The following ANKRD27 variants were observed in gnomAD, a reference collection of about 807,000 sequenced individuals.
The protein encoded by ANKRD27 is ankyrin repeat domain-containing protein 27.
In ANKRD27, 112 loss-of-function variants were observed where a neutral mutation model predicts 129.7. That is an observed-to-expected ratio of 0.86 (90% CI 0.74 to 1.01). The LOEUF is 1.01. Among genes scored for constraint, ANKRD27 ranks in the 50% least tolerant of loss-of-function variants. ANKRD27 has a pLI of 0.00. For missense variants in ANKRD27, 1,258 were observed against 1,300.5 expected, an observed-to-expected ratio of 0.97 and a Z score of 0.50; for synonymous variants, 516 against 511.2, an observed-to-expected ratio of 1.01 and a Z score of -0.13.
chr19:32,633,725 T>G (rs979469238), intron 12 of ANKRD27, among the ~76,000 whole-genome samples: 9 of 152,046 alleles, frequency 5.9e-5, no homozygotes, highest in African/African-American at 2.2e-4. Context: ...TTTATGAACA[T>G]GCTTAAAGAA....
At chr19:32,639,540 T>C (rs1165719089) in intron 11 of ANKRD27, 52 bp from the exon 12 acceptor site, 3 of 1,577,892 alleles carry the variant, frequency 1.9e-6, no homozygotes, top group South Asian at 1.1e-5. Flanking sequence ...GTCACACTTC[T>C]GCAAAAAAAA....
intron 1 of ANKRD27, among the ~76,000 whole-genome samples, chr19:32,665,464 TTG>T (rs1967734798): frequency 1.3e-5 from 2 of 150,546 alleles, no homozygotes; most frequent in African/African-American, 2.5e-5. Context: ...TAATTTTTGT[TTG>T]TTTGTTTGTT....
At chr19:32,656,350 G>A (rs1967536602) in intron 2 of ANKRD27, among the ~76,000 whole-genome samples, 1 of 152,218 alleles carries the variant, frequency 6.6e-6, no homozygotes, top group South Asian at 2.1e-4. Flanking sequence ...TATTCCCGCA[G>A]TACGGCCAGG....
chr19:32,665,230 T>C (rs1967727930), intron 1 of ANKRD27, among the ~76,000 whole-genome samples: 1 of 151,968 alleles, frequency 6.6e-6, no homozygotes, highest in South Asian at 2.1e-4. Flanking sequence ...CAGAATCACC[T>C]TGTCAATTAC....
intron 10 of ANKRD27, among the ~76,000 whole-genome samples, chr19:32,641,293 G>A (rs1368018817): frequency 6.6e-6 from 1 of 151,890 alleles, no homozygotes; most frequent in Non-Finnish European, 1.5e-5. Flanking sequence ...CCAGGGAGGT[G>A]GCTTCAGTGA....
chr19:32,632,689 C>A (rs2145289481), intron 12 of ANKRD27, among the ~76,000 whole-genome samples: 1 of 151,956 alleles, frequency 6.6e-6, no homozygotes. Context: ...CACCTGCAAC[C>A]AAACCATGTA....
At chr19:32,615,076 TCTGTTCATAAG>T (rs1238984709) in intron 22 of ANKRD27, among the ~76,000 whole-genome samples, 25 of 152,128 alleles carry the variant, frequency 1.6e-4, no homozygotes, top group African/African-American at 6.0e-4. Flanking sequence ...CCCTTGAGCA[TCTGTTCATAAG>T]CTCCTGCCAC....
intron 24 of ANKRD27, among the ~76,000 whole-genome samples, 172 bp from the exon 25 acceptor site, chr19:32,604,596 G>C (rs1345039443): frequency 6.6e-6 from 1 of 152,132 alleles, no homozygotes; most frequent in East Asian, 1.9e-4. Context: ...TATAGACAAA[G>C]AGTTCGCTGC....
chr19:32,632,502 T>C (rs777241064), intron 12 of ANKRD27, among the ~76,000 whole-genome samples: 1 of 149,536 alleles, frequency 6.7e-6, no homozygotes, highest in Non-Finnish European at 1.5e-5. Context: ...GGAGAATCAC[T>C]TGAACCCCGC....
Position 32,615,744 on chromosome 19 carries a change from C to T in ANKRD27, c.2089G>A (p.Glu697Lys), listed in dbSNP as rs575255845. 1.2e-5 allele frequency: 19 copies of T among 1,614,160 alleles called. No individual in the cohort carries two copies. The South Asian group carries it at 2.0e-4, about 17-fold the overall frequency. ...YLLEWTEEDL[E>K]DAEDTVSAAD... ...GCACTGACAGTGTCCTCCGCATCCT[C>T]CAGGTCCTCCTCTGTCCATTCCAAC... The change falls in exon 22 of 29, where the codon GAG becomes AAG. Residue 697 changes from glutamate to lysine, a missense_variant. Physicochemically the swap from Glu to Lys is moderately conservative, Grantham distance 56 (BLOSUM62 1). Coordinates refer to ENST00000306065, the MANE Select transcript of ANKRD27 (RefSeq NM_032139.3).
intron 25 of ANKRD27, among the ~76,000 whole-genome samples, chr19:32,603,409 C>T (rs1477079616): frequency 2.6e-5 from 4 of 152,126 alleles, no homozygotes; most frequent in Admixed American, 6.5e-5. Flanking sequence ...AAAGACTCAG[C>T]AGGAAAACAG....
Position 32,628,195 on chromosome 19 carries a change from A to C in ANKRD27, c.1338-30T>G, listed in dbSNP as rs369129732. On this transcript the variant is annotated intron_variant, in intron 14 of 28. Transcript: ENST00000306065. ...AATACAGAAAGAGATAGAAAACTAC[A>C]CAGGGGAATGGCACAGCAAAGCCTC... 23 of 1,589,034 alleles carry C rather than the reference A, an allele frequency of 1.4e-5. No individual in the cohort carries two copies. The African/African-American group carries it at 3.0e-4, about 20-fold the overall frequency.
chr19:32,656,087 GAAAGAAAGAAAGAAAGAAAGAAAAGA>G (rs1383962531), intron 2 of ANKRD27, among the ~76,000 whole-genome samples: 2 of 121,850 alleles, frequency 1.6e-5, no homozygotes, highest in African/African-American at 4.0e-5. Context: ...AAGAAAGAAA[GAAAGAAAGAAAGAAAGAAAGAAAAGA>G]AAAGAAAAGA....
Position 32,615,792 on chromosome 19 carries a change from G to A in ANKRD27, c.2053-12C>T, listed in dbSNP as rs1484604480. ...AACAGGTAACGCACCTGGTGATGGA[G>A]AGTAACGGAAACAGGAACACATCCT... On this transcript the variant is annotated splice_polypyrimidine_tract_variant and intron_variant, in intron 21 of 28. Transcript: ENST00000306065. 4 of 1,609,550 alleles carry A rather than the reference G, an allele frequency of 2.5e-6. No individual in the cohort carries two copies. The highest frequency in any genetic ancestry group is 1.7e-5 in the Admixed American group (1 of 59,490).
At chr19:32,669,482 G>C (rs1568423010) in intron 1 of ANKRD27, among the ~76,000 whole-genome samples, 1 of 152,178 alleles carries the variant, frequency 6.6e-6, no homozygotes, top group African/African-American at 2.4e-5. Flanking sequence ...GACATAGTTG[G>C]TTCTATGTGG....
Position 32,597,960 on chromosome 19 carries a change from A to T in ANKRD27, c.*185T>A. 1 of 602,464 alleles carries T rather than the reference A, an allele frequency of 1.7e-6. No individual in the cohort carries two copies. Among genetic ancestry groups the T allele is most frequent in the Non-Finnish European group, 3.0e-6 (1 of 338,270 alleles). 37.3% of individuals were successfully genotyped at this position (602,464 alleles called of 1,614,324 possible). ...TTCATTAGCTTTGAAGAGGAGAGAG[A>T]TGGTGGTGGTTAACTTTTTTGTTGC... On this transcript the variant is annotated 3_prime_UTR_variant, in exon 29 of 29. Transcript: ENST00000306065.
intron 3 of ANKRD27, among the ~76,000 whole-genome samples, chr19:32,649,109 A>C (rs990494388): frequency 2.0e-5 from 3 of 151,860 alleles, no homozygotes; most frequent in African/African-American, 7.3e-5. Flanking sequence ...TAGGACTAGA[A>C]GCACGCACCA....
intron 1 of ANKRD27, among the ~76,000 whole-genome samples, chr19:32,660,307 C>T (rs1486174641): frequency 6.6e-6 from 1 of 152,170 alleles, no homozygotes; most frequent in African/African-American, 2.4e-5. Flanking sequence ...CTTTGGGAGG[C>T]CAAGTCGGGA....
At chr19:32,620,128 G>A (rs552929070) in intron 18 of ANKRD27, among the ~76,000 whole-genome samples, 7 of 152,102 alleles carry the variant, frequency 4.6e-5, no homozygotes, top group Admixed American at 2.6e-4. Flanking sequence ...AGAAAGCTGC[G>A]ACCTTGGCAG....
Sources: gnomAD v4.1 joint callset for allele counts (sites outside exome capture counted in the v4.1 genomes callset) on GRCh38, gnomAD v4.1.1 for gene constraint, MANE v1.5 for transcripts, NCBI Gene and HGNC (gene_info 2026-07-23, HGNC 2026-07-21) for gene names.